The following USH2A variants were observed in gnomAD, a reference collection of about 807,000 sequenced individuals.
USH2A encodes usherin.
USH2A carries 443 observed loss-of-function variants against 538.9 expected under a neutral mutation model. That is an observed-to-expected ratio of 0.82 (90% CI 0.76 to 0.89). USH2A has a LOEUF of 0.89. Among genes scored for constraint, USH2A ranks in the 40% least tolerant of loss-of-function variants. The pLI is 0.00. For missense variants in USH2A, 6,633 were observed against 6,324.8 expected, an observed-to-expected ratio of 1.05 and a Z score of -1.65; for synonymous variants, 2,413 against 2,273.5, an observed-to-expected ratio of 1.06 and a Z score of -1.75.
At chr1:215,810,920 G>A (rs1662653341) in intron 49 of USH2A, among the ~76,000 whole-genome samples, 1 of 152,004 alleles carries the variant, frequency 6.6e-6, no homozygotes, top group African/African-American at 2.4e-5. Context: ...TAACAGCACT[G>A]CTATACAAAC....
At chr1:215,631,639 C>T (rs1410262298) in intron 70 of USH2A, among the ~76,000 whole-genome samples, 2 of 152,224 alleles carry the variant, frequency 1.3e-5, no homozygotes, top group Non-Finnish European at 2.9e-5. Context: ...GATTTCACTT[C>T]TGCTGAGACC....
At chr1:216,197,937 A>G (rs1208018357) in intron 18 of USH2A, among the ~76,000 whole-genome samples, 2 of 152,196 alleles carry the variant, frequency 1.3e-5, no homozygotes, top group Non-Finnish European at 2.9e-5. Context: ...GGAATTGGTG[A>G]CAGTTATCTC....
intron 4 of USH2A, among the ~76,000 whole-genome samples, chr1:216,337,323 A>G (rs1011668941): frequency 2.0e-5 from 3 of 151,360 alleles, no homozygotes; most frequent in Non-Finnish European, 4.4e-5. Flanking sequence ...AAACTGAAGC[A>G]TATAGATATT....
intron 38 of USH2A, among the ~76,000 whole-genome samples, chr1:215,922,376 A>G (rs564588768): frequency 6.6e-6 from 1 of 152,230 alleles, no homozygotes; most frequent in African/African-American, 2.4e-5. Flanking sequence ...TGGCCCATTC[A>G]GGAAGACTGT....
At chr1:216,268,225 A>C (rs1029713654) in intron 11 of USH2A, among the ~76,000 whole-genome samples, 1 of 152,036 alleles carries the variant, frequency 6.6e-6, no homozygotes, top group African/African-American at 2.4e-5. Context: ...GGAGTTGAGG[A>C]GTGTCTCCTC....
intron 23 of USH2A, 158 bp from the exon 24 acceptor site, chr1:216,086,978 T>G (rs2102563436): frequency 1.6e-6 from 1 of 635,534 alleles, no homozygotes; most frequent in East Asian, 3.1e-5. Flanking sequence ...TGGCTCTTCC[T>G]CAACATCCCA....
At chr1:215,960,051 T>G (rs112096220) in intron 37 of USH2A, among the ~76,000 whole-genome samples, 1 of 152,138 alleles carries the variant, frequency 6.6e-6, no homozygotes, top group African/African-American at 2.4e-5. Context: ...CCAAGGGAAG[T>G]CTAGTAGTAA....
At chr1:216,341,943 T>C (rs2038084441) in intron 4 of USH2A, among the ~76,000 whole-genome samples, 1 of 151,956 alleles carries the variant, frequency 6.6e-6, no homozygotes, top group Non-Finnish European at 1.5e-5. Flanking sequence ...TAGGCAAAGA[T>C]TTCATGTCAA....
intron 64 of USH2A, among the ~76,000 whole-genome samples, chr1:215,659,656 T>C (rs1248974424): frequency 1.3e-5 from 2 of 152,142 alleles, no homozygotes; most frequent in Non-Finnish European, 2.9e-5. Flanking sequence ...TGTTGTTTGT[T>C]TTTTTAATCT....
intron 40 of USH2A, among the ~76,000 whole-genome samples, chr1:215,893,525 A>C (rs996537185): frequency 2.6e-5 from 4 of 152,198 alleles, no homozygotes; most frequent in African/African-American, 9.6e-5. Context: ...ATTTCTGGAT[A>C]ATGAGAGGAT....
At chr1:216,217,174 C>A (rs1173524543) in intron 15 of USH2A, among the ~76,000 whole-genome samples, 1 of 152,064 alleles carries the variant, frequency 6.6e-6, no homozygotes, top group Non-Finnish European at 1.5e-5. Flanking sequence ...GTAAATTTCC[C>A]ACCATGAACA....
chr1:216,079,986 C>A (rs1019087259), intron 26 of USH2A: 1 of 151,962 alleles, frequency 6.6e-6, no homozygotes, highest in Non-Finnish European at 1.5e-5. Context: ...GCCATCATCA[C>A]GTTATGAAAA....
chr1:215,782,252 CA>C, intron 53 of USH2A, 56 bp from the exon 54 acceptor site: 1 of 1,570,372 alleles, frequency 6.4e-7, no homozygotes, highest in Non-Finnish European at 8.7e-7. Flanking sequence ...TAACTATTTG[CA>C]AACAACTTAC....
chr1:215,657,952 C>T (rs1379526485), intron 64 of USH2A, among the ~76,000 whole-genome samples: 3 of 127,938 alleles, frequency 2.3e-5, no homozygotes, highest in Non-Finnish European at 3.2e-5. Flanking sequence ...TTTTTTGAGA[C>T]AGAGTCTCTC....
Position 216,250,931 on chromosome 1 carries a change from G to A in USH2A, c.2139C>T (p.Gly713=), listed in dbSNP as rs765293412. 25 of 1,613,862 alleles carry A rather than the reference G, an allele frequency of 1.5e-5. No homozygotes were observed. Among genetic ancestry groups the A allele is most frequent in the Non-Finnish European group, 1.9e-5 (23 of 1,179,958 alleles). ...TAACGTTTGCTTTGCACTTGCACTG[G>A]CCTGAATTTTGGTGACAGGTAATAT... ...DGDITCHQNS[G]QCKCKANVIG... Residue 713 remains glycine, a synonymous_variant, in exon 12 of 72, where the codon GGC becomes GGT. Coordinates refer to ENST00000307340, the MANE Select transcript of USH2A (RefSeq NM_206933.4).
At chr1:216,073,394 G>A (rs995811710) in intron 27 of USH2A, 94 bp from the exon 28 acceptor site, 26 of 1,359,014 alleles carry the variant, frequency 1.9e-5, no homozygotes, top group Admixed American at 1.2e-4. Context: ...TTTGAGGAAG[G>A]GGGGTGGTTA....
intron 14 of USH2A, among the ~76,000 whole-genome samples, chr1:216,231,236 ATATATATATATAT>A (rs1416583175): frequency 3.7e-5 from 1 of 26,990 alleles, no homozygotes; most frequent in Non-Finnish European, 7.6e-5. Flanking sequence ...TATATCCCAT[ATATATATATATAT>A]TATATATATA....
At chr1:215,677,483 C>T (rs1297348232) in intron 62 of USH2A, among the ~76,000 whole-genome samples, 5 of 152,156 alleles carry the variant, frequency 3.3e-5, no homozygotes, top group Non-Finnish European at 1.5e-5. Flanking sequence ...TACTTCCTCC[C>T]TTGCCATTCT....
rs568157328 is a variant in USH2A, at chr1:215,753,582, G to A, written c.11389+5013C>T. On this transcript the variant is annotated intron_variant, in intron 58 of 71. Coordinates refer to ENST00000307340, the MANE Select transcript of USH2A (RefSeq NM_206933.4). ...AAGGACAAAAAACCAAACACCACAT[G>A]TTCTCACTCATAGGTGGGAATTGAA... 4.6e-5 allele frequency among the ~76,000 whole-genome samples: 7 copies of A among 152,070 alleles called. No individual in the cohort carries two copies. In the East Asian group the frequency reaches 1.4e-3, roughly 30 times the overall value.
Sources: allele counts gnomAD v4.1 joint callset (sites outside exome capture counted in the v4.1 genomes callset), GRCh38; gene constraint gnomAD v4.1.1; transcripts MANE v1.5; gene names NCBI Gene and HGNC (gene_info 2026-07-23, HGNC 2026-07-21).